The following TTC19 variants were observed in gnomAD, a reference collection of about 807,000 sequenced individuals.
The protein encoded by TTC19 is tetratricopeptide repeat protein 19, mitochondrial.
In TTC19, 38 loss-of-function variants were observed where a neutral mutation model predicts 49.5. That is an observed-to-expected ratio of 0.77 (90% CI 0.59 to 1.01). TTC19 has a LOEUF of 1.01. TTC19 is among the 50% of genes least tolerant of loss of function. TTC19 has a pLI of 0.00. For missense variants in TTC19, 475 were observed against 477.7 expected, an observed-to-expected ratio of 0.99 and a Z score of 0.05; for synonymous variants, 204 against 185.2, an observed-to-expected ratio of 1.10 and a Z score of -0.83.
downstream of TTC19, chr17:16,032,299 G>A (rs1288107754): frequency 6.2e-7 from 1 of 1,611,292 alleles, no homozygotes; most frequent in Non-Finnish European, 8.5e-7. Context: ...GTGCAGTTCA[G>A]TCATCACTAT....
At position 16,039,555 on chromosome 17, in the gene TTC19, T is replaced by G. The variant is rs200702771; in HGVS notation, c.248-4948T>G. The G allele has an allele frequency of 9.3e-6, 15 of 1,614,118 alleles. No homozygotes were observed. Among genetic ancestry groups the G allele is most frequent in the Middle Eastern group, 1.6e-4 (1 of 6,062 alleles). ...CATGACAACTCCATGATCCTCAACTTTGTCATCAAAGCTTCCCATGAGAGC... is the reference window on the plus strand; with the variant it reads ...CATGACAACTCCATGATCCTCAACTGTGTCATCAAAGCTTCCCATGAGAGC... On this transcript the variant is annotated intron_variant, in intron 2 of 2. Transcript: ENST00000470649.
chr17:16,044,432 T>C (rs1597760749), intron 2 of TTC19: 1 of 471,722 alleles, frequency 2.1e-6, no homozygotes. Flanking sequence ...CCCACTTTCC[T>C]TTCTTTTGAC....
At chr17:16,030,274 A>C, downstream of TTC19, 1 of 227,228 alleles carries the variant, frequency 4.4e-6, no homozygotes, top group Non-Finnish European at 8.7e-6. Context: ...GCTGAGGATG[A>C]GAAGGGGTTG....
At chr17:16,001,095 C>T (rs1970713703) in intron 2 of TTC19, among the ~76,000 whole-genome samples, 1 of 152,120 alleles carries the variant, frequency 6.6e-6, no homozygotes, top group Non-Finnish European at 1.5e-5. Context: ...GTAGTCTTTC[C>T]TGGCCTCCTG....
At chr17:16,040,179 C>T (rs1283445958) in intron 2 of TTC19, 2 of 581,630 alleles carry the variant, frequency 3.4e-6, no homozygotes, top group East Asian at 7.6e-5. Flanking sequence ...AGTTACTCAA[C>T]AATTTTCTCA....
chr17:16,000,123 G>T lies in TTC19; in HGVS notation c.190G>T (p.Ala64Ser), dbSNP rs1315354507. The T allele has an allele frequency of 1.9e-6, 3 of 1,561,930 alleles. No individual in the cohort carries two copies. The highest frequency in any genetic ancestry group is 2.6e-6 in the Non-Finnish European group (3 of 1,162,110). Residue 64 changes from alanine (A) to serine (S), a missense_variant, in exon 2 of 10, where the codon GCC becomes TCC. Ala to Ser is a moderately conservative substitution (Grantham distance 99). Transcript: ENST00000261647. ...CTCAGAGCCCCTTCCCGCAGCGCTC[G>T]CCTGGTTCTCGAGGCCCGCTGCGGC... ...PGLLPLLAALAWFSRPAAAEE... is the reference protein window; with the variant it reads ...PGLLPLLAALSWFSRPAAAEE...
chr17:16,019,982 A>C (rs1295632732), intron 7 of TTC19, among the ~76,000 whole-genome samples: 1 of 151,482 alleles, frequency 6.6e-6, no homozygotes, highest in Non-Finnish European at 1.5e-5. Flanking sequence ...AAAAAAAAAA[A>C]AGCCAGGCAT....
chr17:16,034,689 A>G, intron 2 of TTC19: 2 of 1,316,494 alleles, frequency 1.5e-6, no homozygotes, highest in Non-Finnish European at 2.1e-6. Context: ...AGAGTTGCTG[A>G]ATTTTGAAGA....
chr17:16,038,120 GAGAT>G (rs1389888666), intron 2 of TTC19, among the ~76,000 whole-genome samples: 4 of 151,972 alleles, frequency 2.6e-5, no homozygotes, highest in African/African-American at 9.7e-5. Context: ...TAACCATAGT[GAGAT>G]AGATCTTTTG....
rs562830242 is a variant in TTC19 at position 16,021,040 on chromosome 17, T to C, written c.677-3977T>C. ...CATTCAACAATTCAGTCAGAAATACTGAGTGCCCATTACACACTAGATATG... is the reference window on the plus strand; with the variant it reads ...CATTCAACAATTCAGTCAGAAATACCGAGTGCCCATTACACACTAGATATG... On this transcript the variant is annotated intron_variant, in intron 7 of 9. Transcript: ENST00000261647. 1.8e-4 allele frequency among the ~76,000 whole-genome samples: 28 copies of C among 152,214 alleles called. No individual in the cohort carries two copies. The South Asian group carries it at 5.6e-3, about 30-fold the overall frequency.
chr17:16,038,001 CA>C (rs2056766299), intron 2 of TTC19, among the ~76,000 whole-genome samples: 1 of 152,096 alleles, frequency 6.6e-6, no homozygotes, highest in African/African-American at 2.4e-5. Flanking sequence ...TTAAAACACA[CA>C]CACTTAAAGC....
intron 7 of TTC19, among the ~76,000 whole-genome samples, chr17:16,022,480 G>A (rs557228780): frequency 6.2e-4 from 95 of 152,294 alleles, no homozygotes; most frequent in African/African-American, 2.2e-3. Context: ...GATATTCTTG[G>A]AATTTGGGCA....
intron 3 of TTC19, 21 bp from the exon 4 acceptor site, chr17:16,002,768 AAAAC>A (rs1203951159): frequency 1.2e-6 from 2 of 1,613,164 alleles, no homozygotes; most frequent in South Asian, 2.2e-5. Context: ...TCTAAACTGA[AAAAC>A]AATTTGTAAT....
intron 2 of TTC19, among the ~76,000 whole-genome samples, chr17:16,035,838 G>A (rs1033022308): frequency 2.0e-5 from 3 of 151,928 alleles, no homozygotes; most frequent in Admixed American, 6.6e-5. Flanking sequence ...CATCATACCC[G>A]GCCTCTCTTG....
rs1971746003 is a variant in TTC19, at chr17:16,029,266, T to G, written c.*1744T>G. ...GAGTTTTCAGGACAGTCTCTTCATG[T>G]GGGTGTTTTCATTACAGTTCATTTA... On this transcript the variant is annotated 3_prime_UTR_variant, in exon 10 of 10. Coordinates refer to ENST00000261647, the MANE Select transcript of TTC19 (RefSeq NM_017775.4). The G allele has an allele frequency of 2.2e-6, 1 of 453,610 alleles. No individual in the cohort carries two copies. The highest frequency in any genetic ancestry group is 1.6e-5 in the South Asian group (1 of 64,312). 28.1% of individuals were successfully genotyped at this position (453,610 alleles called of 1,614,324 possible).
In TTC19 at chr17:16,041,736, TATTA is replaced by T. The variant is rs1476279992; in HGVS notation, c.248-2759_248-2756del. ...AGCCAGAATGTGAAATTAATTAATTTATTAATTAATTTATTTTTAAGACGGAGTC... is the reference window on the plus strand; with the variant it reads ...AGCCAGAATGTGAAATTAATTAATTTATTAATTTATTTTTAAGACGGAGTC... On this transcript the variant is annotated intron_variant, in intron 2 of 2. Transcript: ENST00000470649. Among the ~76,000 whole-genome samples the T allele has an allele frequency of 2.7e-5, 4 of 150,630 alleles. No individual in the cohort carries two copies. The East Asian group carries it at 5.9e-4, about 22-fold the overall frequency.
At chr17:16,000,339 G>C in intron 2 of TTC19, 94 bp downstream of exon 2, 1 of 1,548,074 alleles carries the variant, frequency 6.5e-7, no homozygotes, top group Non-Finnish European at 8.7e-7. Flanking sequence ...CCGCCTCGCC[G>C]AAGAGTGGAT....
At chr17:16,031,413 G>A (rs1211336282), downstream of TTC19, 1 of 192,484 alleles carries the variant, frequency 5.2e-6, no homozygotes, top group African/African-American at 2.3e-5. Flanking sequence ...CTATGGACAG[G>A]GTAGTCAAAT....
At chr17:16,005,944 A>C (rs1285852628) in intron 6 of TTC19, among the ~76,000 whole-genome samples, 1 of 152,176 alleles carries the variant, frequency 6.6e-6, no homozygotes, top group Non-Finnish European at 1.5e-5. Context: ...CAGCATTCCT[A>C]GCTTTTTGTG....
Sources: gnomAD v4.1 joint callset for allele counts (sites outside exome capture counted in the v4.1 genomes callset) on GRCh38, gnomAD v4.1.1 for gene constraint, MANE v1.5 for transcripts, NCBI Gene and HGNC (gene_info 2026-07-23, HGNC 2026-07-21) for gene names.